Variants in BAIAP3 observed in about 807,000 individuals in gnomAD.
BAIAP3 encodes BAI1-associated protein 3.
A neutral mutation model predicts 149.7 loss-of-function variants in BAIAP3; 180 were observed. The ratio of observed to expected loss-of-function variants is 1.20; its 90% CI spans 1.07 to 1.36. BAIAP3 has a LOEUF of 1.36. Ranked by LOEUF, BAIAP3 falls within the 40% of genes most tolerant of loss-of-function variation. The pLI is 0.00. For synonymous variants in BAIAP3, 845 were observed against 670.7 expected, an observed-to-expected ratio of 1.26 and a Z score of -4.02; for missense variants, 1,767 against 1,563.4, an observed-to-expected ratio of 1.13 and a Z score of -2.20.
chr16:1,335,158 G>A (rs908892761), intron 1 of BAIAP3, among the ~76,000 whole-genome samples: 35 of 152,344 alleles, frequency 2.3e-4, no homozygotes, highest in African/African-American at 8.2e-4. Context: ...TGGGCAAGTC[G>A]CCCCCACCCT....
At chr16:1,338,074 C>T (rs1452106955) in intron 1 of BAIAP3, among the ~76,000 whole-genome samples, 1 of 152,186 alleles carries the variant, frequency 6.6e-6, no homozygotes, top group African/African-American at 2.4e-5. Flanking sequence ...TACCTGGCAT[C>T]CGTCCTGGCC....
At chr16:1,339,301 G>C in intron 4 of BAIAP3, 57 bp downstream of exon 4, 2 of 1,539,122 alleles carry the variant, frequency 1.3e-6, no homozygotes, top group Non-Finnish European at 1.7e-6. Context: ...TCCCTCAGCC[G>C]TTTAGAGGCA....
chr16:1,345,419 C>T (rs112377811), intron 22 of BAIAP3, 47 bp downstream of exon 22: 116,987 of 1,540,248 alleles, frequency 0.076, 4,855 homozygotes, highest in Middle Eastern at 0.13. Context: ...TCCAGGCCCC[C>T]AGCCTCCCCC....
At chr16:1,347,477 C>A in intron 29 of BAIAP3, 68 bp from the exon 30 acceptor site, 1 of 1,575,662 alleles carries the variant, frequency 6.3e-7, no homozygotes, top group South Asian at 1.1e-5. Context: ...CACGGGCAGT[C>A]AGGTCTCCAA....
intron 5 of BAIAP3, among the ~76,000 whole-genome samples, chr16:1,340,415 T>C (rs569797099): frequency 0.17 from 5,856 of 35,198 alleles, 1,885 homozygotes; most frequent in Admixed American, 0.36. Context: ...TGCACGCACA[T>C]AGGCTGCAGG....
Position 1,342,012 on chromosome 16 carries a change from T to C in BAIAP3, c.803T>C (p.Val268Ala). 6.2e-7 allele frequency: 1 copy of C among 1,606,198 alleles called. No homozygotes were observed. Among genetic ancestry groups the C allele is most frequent in the Non-Finnish European group, 8.5e-7 (1 of 1,176,458 alleles). The change falls in exon 10 of 34, where the codon GTA (valine) becomes GCA (alanine). Residue 268 changes from valine (V) to alanine (A), a missense_variant. Transcript: ENST00000426824. ...IWDHDDDVSL[V>A]EACRKLNEVI... is the part of the protein sequence containing the mutation. The stretch of plus-strand genomic sequence containing the variant: ...GATCATGACGACGATGTATCCCTGG[T>C]AGAAGCGTGCAGGAAGCTGAATGAA...
At position 1,344,602 on chromosome 16, in the gene BAIAP3, C is replaced by T; in HGVS notation, c.1661C>T (p.Pro554Leu). 6.2e-7 allele frequency: 1 copy of T among 1,612,992 alleles called. No individual in the cohort carries two copies. The highest frequency in any genetic ancestry group is 1.3e-5 in the African/African-American group (1 of 75,036). ...GGTACGAGCTAGGCTTCCTTGCAGC[C>T]AGGACCACAGCGCCTGCCTGGGCTG... ...ILNDKSPREQ[P>L]GPQRLPGLVV... The change falls in exon 19 of 34, where the codon CCA (proline) becomes CTA (leucine). Residue 554 changes from proline to leucine, a missense_variant and splice_region_variant. Transcript: ENST00000426824.
Position 1,347,608 on chromosome 16 carries a change from C to T in BAIAP3, c.2887C>T (p.Leu963=). 1 of 1,613,060 alleles carries T rather than the reference C, an allele frequency of 6.2e-7. No individual in the cohort carries two copies. ...CCGCGAGTGCATCGAGCAGTTCTAC[C>T]TGGACAAGCTCAAACAGGTAGGGAG... ...STRECIEQFY[L]DKLKQRTLEQ... The change falls in exon 30 of 34, where the codon CTG becomes TTG. Residue 963 remains leucine (L), a synonymous_variant. Coordinates refer to ENST00000426824, the MANE Select transcript of BAIAP3 (RefSeq NM_001199097.2).
intron 14 of BAIAP3, 91 bp downstream of exon 14, chr16:1,343,107 C>G: frequency 1.5e-6 from 1 of 685,124 alleles, no homozygotes; most frequent in South Asian, 1.6e-5. Flanking sequence ...GATGTCGTGG[C>G]TGGGAGGGTG....
Position 1,346,266 on chromosome 16 carries a change from G to A in BAIAP3, c.2398G>A (p.Gly800Arg), listed in dbSNP as rs753248180. 4 of 1,610,316 alleles carry A rather than the reference G, an allele frequency of 2.5e-6. No homozygotes were observed. Among genetic ancestry groups the A allele is most frequent in the East Asian group, 4.5e-5 (2 of 44,828 alleles). Residue 800 changes from glycine to arginine, a missense_variant, in exon 25 of 34, where the codon GGG becomes AGG. Physicochemically the swap from Gly to Arg is moderately radical, Grantham distance 125. Coordinates refer to ENST00000426824, the MANE Select transcript of BAIAP3 (RefSeq NM_001199097.2). ...AWPEGATGPE[G>R]VLPRPLLSCT... Reference sequence around the variant, plus strand: ...GCCAGAGGGGGCCACGGGGCCCGAGGGGGTGCTCCCCCGCCCTCTGCTCAG... The same window carrying A: ...GCCAGAGGGGGCCACGGGGCCCGAGAGGGTGCTCCCCCGCCCTCTGCTCAG...
In BAIAP3 at chr16:1,345,819, C is replaced by T; in HGVS notation, c.2137C>T (p.Gln713Ter). 9 of 1,581,654 alleles carry T rather than the reference C, an allele frequency of 5.7e-6. No homozygotes were observed. The highest frequency in any genetic ancestry group is 6.9e-6 in the Non-Finnish European group (8 of 1,166,888). Reference sequence around the variant, plus strand: ...TGCTGGTCTCTGCCTCAGCCACATCCAGGAGTTGTGGGTGCGCCTGGCGTG... The same window carrying T: ...TGCTGGTCTCTGCCTCAGCCACATCTAGGAGTTGTGGGTGCGCCTGGCGTG... ...ATAGLCLSHI[Q>*]ELWVRLAWPD... is the part of the protein sequence containing the mutation. The change falls in exon 23 of 34, where the codon CAG (glutamine) becomes TAG (stop). Residue 713 changes from glutamine to a stop codon, truncating the protein, a stop_gained. Coordinates refer to ENST00000426824, the MANE Select transcript of BAIAP3 (RefSeq NM_001199097.2). LOFTEE classifies it high-confidence loss of function.
chr16:1,336,290 G>A (rs909381007), intron 1 of BAIAP3: 8 of 985,386 alleles, frequency 8.1e-6, no homozygotes, highest in Middle Eastern at 5.2e-4. Flanking sequence ...AGGATTTCAC[G>A]ACTGGCTGTG....
In BAIAP3 at chr16:1,346,025, C is replaced by A. The variant is rs143578932; in HGVS notation, c.2248C>A (p.Arg750=). 6.2e-7 allele frequency: 1 copy of A among 1,611,448 alleles called. No homozygotes were observed. Among genetic ancestry groups the A allele is most frequent in the Non-Finnish European group, 8.5e-7 (1 of 1,179,480 alleles). ...CACCCTCTTCTATACGGAGCTGCTTCGGAAGAAGGTGGACACTCAGCCAGG... is the reference window on the plus strand; with the variant it reads ...CACCCTCTTCTATACGGAGCTGCTTAGGAAGAAGGTGGACACTCAGCCAGG... ...EATLFYTELL[R]KKVDTQPGAA... Residue 750 remains arginine, a synonymous_variant, in exon 24 of 34, where the codon CGG becomes AGG. Transcript: ENST00000426824.
rs367664599 is a variant in BAIAP3, at chr16:1,344,204, G to A, written c.1512-23G>A. The A allele has an allele frequency of 1.3e-5, 21 of 1,612,712 alleles. No homozygotes were observed. The East Asian group carries it at 1.8e-4, about 14-fold the overall frequency. ...GGGCGGCTGGCAGGGCAGGCCCCAC[G>A]TCAGCGTGCTGCCCCCACCCAGGTG... On this transcript the variant is annotated intron_variant, in intron 16 of 33. Transcript: ENST00000426824.
intron 3 of BAIAP3, 58 bp downstream of exon 3, chr16:1,339,047 C>T: frequency 1.2e-6 from 2 of 1,604,480 alleles, no homozygotes; most frequent in Non-Finnish European, 1.7e-6. Flanking sequence ...TCCCCCTTTG[C>T]TCCTCCCCGC....
rs1315741593 is a variant in BAIAP3 at position 1,338,931 on chromosome 16, C to T, written c.161C>T (p.Ala54Val). The change falls in exon 3 of 34, where the codon GCC (alanine) becomes GTC (valine). Residue 54 changes from alanine (A) to valine (V), a missense_variant. Coordinates refer to ENST00000426824, the MANE Select transcript of BAIAP3 (RefSeq NM_001199097.2). Reference protein sequence around the residue: ...WKPGDGVEFFAHMRLMLKKGE... With the variant: ...WKPGDGVEFFVHMRLMLKKGE... ...CCCGGGGATGGCGTGGAGTTCTTTG[C>T]CCACATGCGCCTCATGCTGAAGAAG... is the stretch of plus-strand genomic sequence containing the variant. 2 of 1,612,990 alleles carry T rather than the reference C, an allele frequency of 1.2e-6. No homozygotes were observed. The highest frequency in any genetic ancestry group is 1.7e-6 in the Non-Finnish European group (2 of 1,179,956).
chr16:1,347,319 G>A lies in BAIAP3; in HGVS notation c.2773G>A (p.Ala925Thr), dbSNP rs763097094. 2.2e-5 allele frequency: 36 copies of A among 1,613,252 alleles called. No individual in the cohort carries two copies. Among genetic ancestry groups the A allele is most frequent in the Non-Finnish European group, 2.8e-5 (33 of 1,179,946 alleles). ...TLEALVSFFHAEGQGLPLESL... is the reference protein window; with the variant it reads ...TLEALVSFFHTEGQGLPLESL... ...CCAGGCCCTGGTCAGTTTTTTCCAC[G>A]CAGAGGGTCAGGGTTTGCCCCTGGA... is the stretch of plus-strand genomic sequence containing the variant. Residue 925 changes from alanine (A) to threonine (T), a missense_variant, in exon 29 of 34, where the codon GCA (alanine) becomes ACA (threonine). By Grantham distance (58) the Ala-to-Thr change is moderately conservative (BLOSUM62 0). Transcript: ENST00000426824.
Position 1,347,286 on chromosome 16 carries a change from TC to T in BAIAP3, c.2752-9del. ...GGCTCCCTGACACCTCTGCCTTCTTTCCCTGCCCCAGGCCCTGGTCAGTTTT... is the reference window on the plus strand; with the variant it reads ...GGCTCCCTGACACCTCTGCCTTCTTTCCTGCCCCAGGCCCTGGTCAGTTTT... On this transcript the variant is annotated splice_polypyrimidine_tract_variant and intron_variant, in intron 28 of 33. Transcript: ENST00000426824. 1 of 1,612,438 alleles carries T rather than the reference TC, an allele frequency of 6.2e-7. No individual in the cohort carries two copies.
At chr16:1,334,046 C>T (rs2033297959) in intron 1 of BAIAP3, among the ~76,000 whole-genome samples, 1 of 151,736 alleles carries the variant, frequency 6.6e-6, no homozygotes, top group South Asian at 2.1e-4. Flanking sequence ...GGTATCCGGG[C>T]GCTGGCGACG....
Sources: gnomAD v4.1 joint callset for allele counts (sites outside exome capture counted in the v4.1 genomes callset) on GRCh38, gnomAD v4.1.1 for gene constraint, MANE v1.5 for transcripts, NCBI Gene and HGNC (gene_info 2026-07-23, HGNC 2026-07-21) for gene names.